The following SOX6 variants were observed in gnomAD, a reference collection of about 807,000 sequenced individuals.
SOX6 encodes transcription factor SOX-6.
In SOX6, 11 loss-of-function variants were observed where a neutral mutation model predicts 97.8. That is an observed-to-expected ratio of 0.11 (90% CI 0.07 to 0.19). The LOEUF is 0.19. Ranked by LOEUF, SOX6 falls within the 10% of genes least tolerant of loss-of-function variation. SOX6 has a pLI of 1.00. For synonymous variants in SOX6, 360 were observed against 371.4 expected, an observed-to-expected ratio of 0.97 and a Z score of 0.35; for missense variants, 810 against 1,039.5, an observed-to-expected ratio of 0.78 and a Z score of 3.04.
chr11:16,441,496 A>C (rs192986821), intron 1 of SOX6, among the ~76,000 whole-genome samples: 8 of 152,288 alleles, frequency 5.3e-5, no homozygotes, highest in Non-Finnish European at 8.8e-5. Context: ...GGCTAGCATC[A>C]AGTTACACCT....
At chr11:16,408,222 G>C (rs1858725395) in intron 1 of SOX6, among the ~76,000 whole-genome samples, 1 of 152,182 alleles carries the variant, frequency 6.6e-6, no homozygotes, top group African/African-American at 2.4e-5. Context: ...CATGTTCAGA[G>C]AGCTGTACTA....
At chr11:16,373,100 T>C (rs1282205769) in intron 1 of SOX6, among the ~76,000 whole-genome samples, 1 of 152,114 alleles carries the variant, frequency 6.6e-6, no homozygotes, top group Admixed American at 6.6e-5. Context: ...TAATAGTGTG[T>C]TAGTATATGA....
intron 2 of SOX6, among the ~76,000 whole-genome samples, chr11:16,730,127 A>G (rs562539833): frequency 6.6e-6 from 1 of 151,710 alleles, no homozygotes; most frequent in East Asian, 1.9e-4. Flanking sequence ...AGGGACTTAG[A>G]CTCCCACACA....
intron 3 of SOX6, among the ~76,000 whole-genome samples, chr11:16,648,197 T>C (rs1489792645): frequency 6.6e-6 from 1 of 152,054 alleles, no homozygotes; most frequent in Non-Finnish European, 1.5e-5. Context: ...AGACTAGCCT[T>C]TCCAACTATG....
intron 12 of SOX6, among the ~76,000 whole-genome samples, chr11:16,042,123 G>T (rs1590152779): frequency 6.6e-6 from 1 of 152,246 alleles, no homozygotes; most frequent in East Asian, 1.9e-4. Flanking sequence ...TGATCATTGA[G>T]ACTCAGAGAG....
At chr11:16,029,636 A>G in intron 12 of SOX6, among the ~76,000 whole-genome samples, 1 of 146,454 alleles carries the variant, frequency 6.8e-6, no homozygotes, top group East Asian at 2.0e-4. Context: ...ACTCCGTCTC[A>G]AAAAAAAAAA....
intron 4 of SOX6, among the ~76,000 whole-genome samples, chr11:16,583,591 ATG>A (rs372253698): frequency 3.2e-5 from 3 of 93,772 alleles, no homozygotes; most frequent in Admixed American, 1.3e-4. Flanking sequence ...ATATATATAT[ATG>A]TATATATGTG....
At chr11:16,697,927 C>T (rs1207542744) in intron 3 of SOX6, among the ~76,000 whole-genome samples, 2 of 152,212 alleles carry the variant, frequency 1.3e-5, no homozygotes, top group Non-Finnish European at 2.9e-5. Context: ...AACAAATGTG[C>T]TGTCATCCAG....
intron 3 of SOX6, chr11:16,315,121 A>T (rs1855721962): frequency 6.6e-6 from 1 of 152,082 alleles, no homozygotes; most frequent in African/African-American, 2.4e-5. Flanking sequence ...TATTTTTAGT[A>T]GAGATGAGGT....
At chr11:16,045,458 G>C (rs1855799899) in intron 12 of SOX6, among the ~76,000 whole-genome samples, 1 of 152,154 alleles carries the variant, frequency 6.6e-6, no homozygotes, top group Non-Finnish European at 1.5e-5. Context: ...ACAGTAGGCA[G>C]AATGATCCTT....
At chr11:16,437,347 T>C (rs573508618) in intron 1 of SOX6, among the ~76,000 whole-genome samples, 1 of 152,032 alleles carries the variant, frequency 6.6e-6, no homozygotes, top group South Asian at 2.1e-4. Flanking sequence ...TCTTATTCTA[T>C]CCAGTATTAC....
intron 3 of SOX6, among the ~76,000 whole-genome samples, chr11:16,276,428 T>C (rs1306949470): frequency 2.6e-5 from 4 of 152,192 alleles, no homozygotes; most frequent in Non-Finnish European, 5.9e-5. Context: ...ACTAGTCTCC[T>C]TTGCAGCTAG....
At chr11:16,109,290 T>C (rs1849170455) in intron 7 of SOX6, among the ~76,000 whole-genome samples, 2 of 152,314 alleles carry the variant, frequency 1.3e-5, no homozygotes, top group East Asian at 1.9e-4. Flanking sequence ...TGCCTCAACC[T>C]ACCGGGCTCA....
chr11:16,137,275 A>C (rs967303697), intron 6 of SOX6, among the ~76,000 whole-genome samples: 3 of 152,054 alleles, frequency 2.0e-5, no homozygotes, highest in South Asian at 2.1e-4. Context: ...AAATACAAAA[A>C]ATTAGCTGGA....
intron 3 of SOX6, chr11:16,314,150 G>A (rs1294918092): frequency 6.6e-6 from 1 of 152,044 alleles, no homozygotes; most frequent in East Asian, 1.9e-4. Context: ...AACTCCTTAG[G>A]CAAGAGTCAA....
intron 9 of SOX6, among the ~76,000 whole-genome samples, chr11:16,094,040 T>G (rs16932547): frequency 4.2e-4 from 63 of 151,762 alleles, no homozygotes; most frequent in African/African-American, 1.5e-3. Context: ...GGTGCAAAAA[T>G]AGGAGGTAAT....
At chr11:16,494,325 G>C (rs1860559368) in intron 4 of SOX6, among the ~76,000 whole-genome samples, 1 of 152,130 alleles carries the variant, frequency 6.6e-6, no homozygotes, top group African/African-American at 2.4e-5. Flanking sequence ...GCAGTGAGCT[G>C]AGATCCCGCC....
chr11:16,126,088 C>G (rs994088770), intron 6 of SOX6, among the ~76,000 whole-genome samples: 3 of 151,930 alleles, frequency 2.0e-5, no homozygotes, highest in African/African-American at 7.2e-5. Flanking sequence ...GTCACAATAC[C>G]CATGATATGT....
At chr11:16,438,397 G>C (rs1859429149) in intron 1 of SOX6, among the ~76,000 whole-genome samples, 1 of 152,034 alleles carries the variant, frequency 6.6e-6, no homozygotes, top group South Asian at 2.1e-4. Flanking sequence ...CATTTATTTT[G>C]CTGGACACAC....
Sources: allele counts gnomAD v4.1 joint callset (sites outside exome capture counted in the v4.1 genomes callset), GRCh38; gene constraint gnomAD v4.1.1; transcripts MANE v1.5; gene names NCBI Gene and HGNC (gene_info 2026-07-23, HGNC 2026-07-21).